The following MEIKIN variants were observed in gnomAD, a reference collection of about 807,000 sequenced individuals.
The protein encoded by MEIKIN is meiosis-specific kinetochore protein.
intron 8 of MEIKIN, among the ~76,000 whole-genome samples, chr5:131,905,848 C>T (rs1156710715): frequency 6.6e-6 from 1 of 152,120 alleles, no homozygotes; most frequent in East Asian, 1.9e-4. Context: ...ACTGGAGATC[C>T]CTTCCTTACA....
chr5:131,882,922 C>T (rs1750722618), intron 8 of MEIKIN, among the ~76,000 whole-genome samples: 1 of 152,038 alleles, frequency 6.6e-6, no homozygotes, highest in African/African-American at 2.4e-5. Context: ...AGGCTCTCAC[C>T]TCCTCAGAGA....
chr5:131,899,963 T>C (rs941052868), intron 8 of MEIKIN, among the ~76,000 whole-genome samples: 2 of 152,250 alleles, frequency 1.3e-5, no homozygotes, highest in Non-Finnish European at 2.9e-5. Flanking sequence ...CTTATTCATT[T>C]GTCTTCAATT....
chr5:131,873,546 A>G (rs1750547795), intron 9 of MEIKIN, among the ~76,000 whole-genome samples: 1 of 152,164 alleles, frequency 6.6e-6, no homozygotes, highest in Admixed American at 6.6e-5. Flanking sequence ...ACACAATAAT[A>G]ATGGGAGACT....
chr5:131,944,525 G>T, intron 3 of MEIKIN, 140 bp downstream of exon 3: 1 of 394,764 alleles, frequency 2.5e-6, no homozygotes, highest in Non-Finnish European at 4.5e-6. Context: ...CTAAAGACAC[G>T]TAAGTGTTTA....
At chr5:131,817,920 C>T (rs1773132045) in intron 12 of MEIKIN, among the ~76,000 whole-genome samples, 1 of 152,114 alleles carries the variant, frequency 6.6e-6, no homozygotes, top group Non-Finnish European at 1.5e-5. Context: ...AGTAATTAGA[C>T]ATTCTGGCTG....
chr5:131,872,347 G>A (rs1377277316), intron 9 of MEIKIN, among the ~76,000 whole-genome samples: 6 of 152,198 alleles, frequency 3.9e-5, no homozygotes, highest in African/African-American at 1.2e-4. Flanking sequence ...ACTATGTGAC[G>A]AATGCACAAG....
chr5:131,934,130 T>C (rs77522103), intron 4 of MEIKIN, among the ~76,000 whole-genome samples: 1 of 151,708 alleles, frequency 6.6e-6, no homozygotes, highest in South Asian at 2.1e-4. Context: ...ATTTTTTTTT[T>C]ATTTTTTTTT....
intron 8 of MEIKIN, among the ~76,000 whole-genome samples, chr5:131,884,861 C>A (rs148654880): frequency 1.3e-5 from 2 of 152,220 alleles, no homozygotes; most frequent in Non-Finnish European, 2.9e-5. Context: ...AGCCCTTGGG[C>A]CTTAAAGGAA....
intron 4 of MEIKIN, 21 bp from the exon 5 acceptor site, chr5:131,933,662 A>C (rs1019959776): frequency 2.5e-6 from 1 of 398,252 alleles, no homozygotes; most frequent in Admixed American, 4.4e-5. Flanking sequence ...AAGGAAAAAA[A>C]AATTGATAAA....
At chr5:131,818,053 C>T (rs1773134538) in intron 12 of MEIKIN, among the ~76,000 whole-genome samples, 1 of 152,192 alleles carries the variant, frequency 6.6e-6, no homozygotes, top group Non-Finnish European at 1.5e-5. Context: ...CTCTCTACCA[C>T]TTGAAGAAGT....
chr5:131,870,082 A>C (rs1314856601), intron 9 of MEIKIN, among the ~76,000 whole-genome samples: 9 of 152,184 alleles, frequency 5.9e-5, no homozygotes. Context: ...TCCTAACACA[A>C]AGAAACAATA....
chr5:131,817,386 C>G (rs1773119367), intron 12 of MEIKIN, among the ~76,000 whole-genome samples: 1 of 151,998 alleles, frequency 6.6e-6, no homozygotes. Flanking sequence ...CCAAGGCAGG[C>G]AGATCACAAG....
At chr5:131,816,450 T>C (rs1017442708) in intron 12 of MEIKIN, among the ~76,000 whole-genome samples, 1 of 152,182 alleles carries the variant, frequency 6.6e-6, no homozygotes, top group African/African-American at 2.4e-5. Flanking sequence ...CTGAAGTTTA[T>C]CTGAACAAAA....
chr5:131,873,681 A>C lies in MEIKIN; in HGVS notation c.774+5297T>G, dbSNP rs182335887. On this transcript the variant is annotated intron_variant, in intron 9 of 12. Transcript: ENST00000442687. Reference sequence around the variant, plus strand: ...ACATCTACAGAAATCTCCACCCCAAATCAACAGAATATACAGTCTTTTCAG... The same window carrying C: ...ACATCTACAGAAATCTCCACCCCAACTCAACAGAATATACAGTCTTTTCAG... Among the ~76,000 whole-genome samples, 638 of 152,324 alleles carry C rather than the reference A, an allele frequency of 4.2e-3. 5 individuals are homozygous for C. The highest frequency in any genetic ancestry group is 0.014 in the African/African-American group (602 of 41,574).
At chr5:131,868,480 T>C (rs1037269564) in intron 9 of MEIKIN, among the ~76,000 whole-genome samples, 3 of 152,248 alleles carry the variant, frequency 2.0e-5, no homozygotes, top group Non-Finnish European at 4.4e-5. Context: ...TCTTCTTTAG[T>C]GAGGTGTCTG....
At chr5:131,937,181 T>C (rs1198840674) in intron 4 of MEIKIN, among the ~76,000 whole-genome samples, 1 of 152,192 alleles carries the variant, frequency 6.6e-6, no homozygotes, top group African/African-American at 2.4e-5. Flanking sequence ...TATTTCCTGG[T>C]TCACGAACAT....
intron 11 of MEIKIN, among the ~76,000 whole-genome samples, chr5:131,827,284 CA>C (rs1351711463): frequency 6.6e-6 from 1 of 151,882 alleles, no homozygotes; most frequent in East Asian, 1.9e-4. Flanking sequence ...CATGACCAGC[CA>C]AAATTGTTTT....
intron 11 of MEIKIN, among the ~76,000 whole-genome samples, chr5:131,833,082 C>T (rs1749741961): frequency 6.6e-6 from 1 of 152,208 alleles, no homozygotes; most frequent in Non-Finnish European, 1.5e-5. Context: ...TCCTTTCTAT[C>T]AAACTGTAAG....
rs147506540 is a variant in MEIKIN, at chr5:131,869,237, C to A, written c.774+9741G>T. 9.8e-5 allele frequency among the ~76,000 whole-genome samples: 15 copies of A among 152,350 alleles called. No individual in the cohort carries two copies. The East Asian group carries it at 2.9e-3, about 29-fold the overall frequency. On this transcript the variant is annotated intron_variant, in intron 9 of 12. Coordinates refer to ENST00000442687, the MANE Select transcript of MEIKIN (RefSeq NM_001303622.2). Reference sequence around the variant, plus strand: ...AAGCACCATTTGTAGAAAATACCAACTTTTCTCCATTATATTGCCTTTGCT... The same window carrying A: ...AAGCACCATTTGTAGAAAATACCAAATTTTCTCCATTATATTGCCTTTGCT...
Sources: allele counts gnomAD v4.1 joint callset (sites outside exome capture counted in the v4.1 genomes callset), GRCh38; gene constraint gnomAD v4.1.1; transcripts MANE v1.5; gene names NCBI Gene and HGNC (gene_info 2026-07-23, HGNC 2026-07-21).